The following GALNT18 variants were observed in gnomAD, a reference collection of about 807,000 sequenced individuals.
The protein encoded by GALNT18 is polypeptide N-acetylgalactosaminyltransferase 18.
In GALNT18, 44 loss-of-function variants were observed where a neutral mutation model predicts 69.5. The observed-to-expected ratio is 0.63, with a 90% CI of 0.50 to 0.81. The LOEUF (loss-of-function observed/expected upper bound fraction) is 0.81. Ranked by LOEUF, GALNT18 falls within the 40% of genes least tolerant of loss-of-function variation. The pLI, the probability that GALNT18 is intolerant of heterozygous loss-of-function variation, is 0.00. For missense variants in GALNT18, 715 were observed against 810.0 expected, an observed-to-expected ratio of 0.88 and a Z score of 1.42; for synonymous variants, 364 against 318.2, an observed-to-expected ratio of 1.14 and a Z score of -1.53.
Position 11,603,131 on chromosome 11 carries a change from T to C in GALNT18, c.235+18228A>G, listed in dbSNP as rs1306091264. Among the ~76,000 whole-genome samples the C allele has an allele frequency of 1.3e-5, 2 of 152,210 alleles. No individual in the cohort carries two copies. Among genetic ancestry groups the C allele is most frequent in the African/African-American group, 4.8e-5 (2 of 41,452 alleles). ...TATGTCTTCCCATCAACTACTTCAA[T>C]TTGTGTTTGGTGCTTCTCCCAAGAC... On this transcript the variant is annotated intron_variant, in intron 1 of 10. Coordinates refer to ENST00000227756, the MANE Select transcript of GALNT18 (RefSeq NM_198516.3). The surrounding 1 kb of genome is among the most constrained non-coding windows in gnomAD (Gnocchi z 4.5).
chr11:11,560,460 T>C (rs1045470589), intron 1 of GALNT18, among the ~76,000 whole-genome samples: 1 of 152,198 alleles, frequency 6.6e-6, no homozygotes, highest in Non-Finnish European at 1.5e-5. Flanking sequence ...AATTCACCCA[T>C]TGGTGCCCAA....
At chr11:11,571,829 C>G (rs1168717255) in intron 1 of GALNT18, among the ~76,000 whole-genome samples, 2 of 152,200 alleles carry the variant, frequency 1.3e-5, no homozygotes, top group Non-Finnish European at 2.9e-5. Context: ...CCACAAGCTT[C>G]TCTAAAACTT....
intron 1 of GALNT18, among the ~76,000 whole-genome samples, chr11:11,575,491 A>G (rs1700731842): frequency 6.6e-6 from 1 of 152,208 alleles, no homozygotes; most frequent in Non-Finnish European, 1.5e-5. Flanking sequence ...AGGAGGCTGG[A>G]TGTGAGCCTG....
chr11:11,388,764 C>G (rs1020568943), intron 3 of GALNT18, among the ~76,000 whole-genome samples: 2 of 152,234 alleles, frequency 1.3e-5, no homozygotes, highest in South Asian at 4.1e-4. Context: ...CACTTCAGAT[C>G]AATCCATCCT....
Position 11,621,696 on chromosome 11 carries a change from C to T in GALNT18, c.-103G>A. 1.3e-6 allele frequency: 1 copy of T among 794,024 alleles called. No individual in the cohort carries two copies. Among genetic ancestry groups the T allele is most frequent in the Non-Finnish European group, 2.0e-6 (1 of 494,680 alleles). The allele number at this position is 794,024 out of a possible 1,614,324, so 49.2% of individuals were successfully genotyped here. A position where few individuals can be genotyped will look rare whatever the true frequency, so the allele number is the denominator to read the frequency against. ...CCGTAGCACGTCCGGAGCCGCTGGG[C>T]ACCTCAGCACCTGAGTCCCGAGGTT... On this transcript the variant is annotated 5_prime_UTR_variant, in exon 1 of 11. Transcript: ENST00000227756. This position sits in a 1 kb window ranked among gnomAD's most constrained non-coding sequence, Gnocchi z 9.3.
At chr11:11,493,674 C>A (rs965033079) in intron 1 of GALNT18, among the ~76,000 whole-genome samples, 2 of 152,166 alleles carry the variant, frequency 1.3e-5, no homozygotes, top group South Asian at 2.1e-4. Context: ...ATGAGGTACA[C>A]CCACCACTGA....
chr11:11,344,522 A>G (rs1347769065), intron 6 of GALNT18, among the ~76,000 whole-genome samples: 1 of 152,214 alleles, frequency 6.6e-6, no homozygotes, highest in African/African-American at 2.4e-5. Context: ...ATGGTGCTCA[A>G]AAGAGATCCT....
intron 10 of GALNT18, among the ~76,000 whole-genome samples, chr11:11,273,918 G>A (rs1008907905): frequency 6.6e-5 from 10 of 152,196 alleles, no homozygotes; most frequent in East Asian, 1.9e-4. Flanking sequence ...GAATAGCTCC[G>A]GTCTGCAGCT....
In GALNT18 at chr11:11,540,003, G is replaced by A. The variant is rs1857872983; in HGVS notation, c.235+81356C>T. Reference sequence around the variant, plus strand: ...CCAGTACCAATGGGAAATGAGGGGAGACGGAGCTGCACAGGGGACCCCGAT... The same window carrying A: ...CCAGTACCAATGGGAAATGAGGGGAAACGGAGCTGCACAGGGGACCCCGAT... On this transcript the variant is annotated intron_variant, in intron 1 of 10. Transcript: ENST00000227756. The surrounding 1 kb of genome is among the most constrained non-coding windows in gnomAD (Gnocchi z 4.6). Among the ~76,000 whole-genome samples, 1 of 152,204 alleles carries A rather than the reference G, an allele frequency of 6.6e-6. No individual in the cohort carries two copies. The highest frequency in any genetic ancestry group is 6.5e-5 in the Admixed American group (1 of 15,284).
chr11:11,539,736 G>T (rs1056702560), intron 1 of GALNT18, among the ~76,000 whole-genome samples: 1 of 152,148 alleles, frequency 6.6e-6, no homozygotes, highest in Non-Finnish European at 1.5e-5. Flanking sequence ...GGCCATGAAA[G>T]ACTTTGCCCA....
At chr11:11,593,106 G>C (rs1244479403) in intron 1 of GALNT18, among the ~76,000 whole-genome samples, 1 of 152,078 alleles carries the variant, frequency 6.6e-6, no homozygotes, top group Non-Finnish European at 1.5e-5. Context: ...GTGGAGACGG[G>C]GTTTCACCGT....
chr11:11,278,676 G>C (rs1435940555), intron 10 of GALNT18, among the ~76,000 whole-genome samples: 1 of 152,058 alleles, frequency 6.6e-6, no homozygotes, highest in African/African-American at 2.4e-5. Flanking sequence ...TTCCTGGAGA[G>C]AGAATGATGG....
rs1856825121 is a variant in GALNT18 at position 11,494,017 on chromosome 11, T to C, written c.236-45081A>G. 6.6e-6 allele frequency among the ~76,000 whole-genome samples: 1 copy of C among 152,214 alleles called. No individual in the cohort carries two copies. Among genetic ancestry groups the C allele is most frequent in the African/African-American group, 2.4e-5 (1 of 41,452 alleles). ...ACATTACCTAAGCCATCGGTGCCTC[T>C]GTTTTCTCATCTATAAAATGGGATT... On this transcript the variant is annotated intron_variant, in intron 1 of 10. Transcript: ENST00000227756. This position sits in a 1 kb window ranked among gnomAD's most constrained non-coding sequence, Gnocchi z 5.7.
chr11:11,607,564 C>T (rs1460393198), intron 1 of GALNT18, among the ~76,000 whole-genome samples: 3 of 152,144 alleles, frequency 2.0e-5, no homozygotes, highest in Non-Finnish European at 4.4e-5. Flanking sequence ...TTATATCATG[C>T]AACAAAATGC....
chr11:11,510,395 T>C (rs1857143318), intron 1 of GALNT18, among the ~76,000 whole-genome samples: 1 of 152,266 alleles, frequency 6.6e-6, no homozygotes, highest in African/African-American at 2.4e-5. Flanking sequence ...CCCTGGGTCG[T>C]CTCTGTGATA....
At chr11:11,349,494 A>G (rs1301161297) in intron 6 of GALNT18, among the ~76,000 whole-genome samples, 1 of 152,198 alleles carries the variant, frequency 6.6e-6, no homozygotes, top group African/African-American at 2.4e-5. Context: ...TCTGATGGGC[A>G]AGAAATTCTC....
chr11:11,359,863 G>A (rs575565707), intron 6 of GALNT18, among the ~76,000 whole-genome samples: 1 of 152,164 alleles, frequency 6.6e-6, no homozygotes, highest in South Asian at 2.1e-4. Flanking sequence ...ATCTTGAGTG[G>A]TCCTGGGTAA....
rs553409466 is a variant in GALNT18, at chr11:11,312,803, C to T, written c.1512+14283G>A. Among the ~76,000 whole-genome samples, 22 of 152,290 alleles carry T rather than the reference C, an allele frequency of 1.4e-4. No homozygotes were observed. The South Asian group carries it at 4.6e-3, about 32-fold the overall frequency. The stretch of plus-strand genomic sequence containing the variant: ...AGCCTTCATTTACATAAAAAATCAA[C>T]AACTTTCTTAACATTCATTTAGGAA... On this transcript the variant is annotated intron_variant, in intron 9 of 10. Transcript: ENST00000227756.
chr11:11,511,051 C>G lies in GALNT18; in HGVS notation c.236-62115G>C, dbSNP rs1857154378. 6.6e-6 allele frequency among the ~76,000 whole-genome samples: 1 copy of G among 152,054 alleles called. No homozygotes were observed. The highest frequency in any genetic ancestry group is 2.4e-5 in the African/African-American group (1 of 41,402). On this transcript the variant is annotated intron_variant, in intron 1 of 10. Coordinates refer to ENST00000227756, the MANE Select transcript of GALNT18 (RefSeq NM_198516.3). This position sits in a 1 kb window ranked among gnomAD's most constrained non-coding sequence, Gnocchi z 4.9. ...AGCTGGTACCGCCTTCCACTTGACT[C>G]CTGACAAAGACATGCAGCCTGCCAG...
Sources: gnomAD v4.1 joint callset for allele counts (sites outside exome capture counted in the v4.1 genomes callset) on GRCh38, gnomAD v4.1.1 for gene constraint, Gnocchi (gnomAD v3.1) non-coding constraint, MANE v1.5 for transcripts, NCBI Gene and HGNC (gene_info 2026-07-23, HGNC 2026-07-21) for gene names.